The following TMEM181 variants were observed in gnomAD, a reference collection of about 807,000 sequenced individuals.
TMEM181 encodes G protein-coupled receptor 178.
Under a neutral mutation model 71.9 loss-of-function variants are expected in TMEM181, and 39 were observed. The observed-to-expected ratio is 0.54, with a 90% CI of 0.42 to 0.71. The LOEUF (loss-of-function observed/expected upper bound fraction) is 0.71. Ranked by LOEUF, TMEM181 falls within the 30% of genes least tolerant of loss-of-function variation. TMEM181 has a pLI of 0.00. For synonymous variants in TMEM181, 245 were observed against 228.8 expected (o/e 1.07, Z -0.64); for missense variants, 595 against 583.0 (o/e 1.02, Z -0.21).
chr6:158,601,029 A>C (rs1784640973), intron 6 of TMEM181, among the ~76,000 whole-genome samples: 1 of 152,116 alleles, frequency 6.6e-6, no homozygotes, highest in Non-Finnish European at 1.5e-5. Flanking sequence ...AGACGTAGTA[A>C]ACGTTTTTAA....
At chr6:158,610,837 T>C in intron 10 of TMEM181, 1 of 330,848 alleles carries the variant, frequency 3.0e-6, no homozygotes, top group South Asian at 3.4e-5. Flanking sequence ...CTAGCTGACA[T>C]ACTCACACCA....
intron 14 of TMEM181, among the ~76,000 whole-genome samples, chr6:158,629,044 AT>A (rs1264581351): frequency 2.6e-5 from 4 of 152,138 alleles, no homozygotes; most frequent in Non-Finnish European, 5.9e-5. Context: ...ACCCCCTTCG[AT>A]TCCCGCTGTG....
At chr6:158,551,909 C>T (rs558588177) in intron 1 of TMEM181, among the ~76,000 whole-genome samples, 4 of 152,256 alleles carry the variant, frequency 2.6e-5, no homozygotes, top group Admixed American at 2.0e-4. Flanking sequence ...TTTTTATGCT[C>T]TCCAGGGGCC....
Position 158,632,277 on chromosome 6 carries a change from A to C in TMEM181, c.*389A>C. The C allele has an allele frequency of 4.7e-6, 1 of 211,536 alleles. No homozygotes were observed. The highest frequency in any genetic ancestry group is 6.5e-5 in the South Asian group (1 of 15,284). The allele number at this position is 211,536 out of a possible 1,614,324, so 13.1% of individuals were successfully genotyped here. Reference sequence around the variant, plus strand: ...ACTAGGTCCTCAGCGTGACAGCATCACCCTCTTTCTTCCCTTTTCCATGGT... The same window carrying C: ...ACTAGGTCCTCAGCGTGACAGCATCCCCCTCTTTCTTCCCTTTTCCATGGT... On this transcript the variant is annotated 3_prime_UTR_variant, in exon 17 of 17. Coordinates refer to ENST00000684151, the MANE Select transcript of TMEM181 (RefSeq NM_001376852.1).
chr6:158,616,610 T>C (rs1785628097), intron 10 of TMEM181, among the ~76,000 whole-genome samples: 1 of 152,240 alleles, frequency 6.6e-6, no homozygotes, highest in Non-Finnish European at 1.5e-5. Context: ...AGTATGATAT[T>C]GGCTGTGGGT....
At chr6:158,541,106 T>C (rs1483400211) in intron 1 of TMEM181, among the ~76,000 whole-genome samples, 2 of 151,918 alleles carry the variant, frequency 1.3e-5, no homozygotes, top group African/African-American at 2.4e-5. Context: ...TGGAGAGCCA[T>C]GAGGGGTGAG....
chr6:158,630,324 C>G (rs544326595), intron 15 of TMEM181, among the ~76,000 whole-genome samples: 127 of 152,048 alleles, frequency 8.4e-4, no homozygotes, highest in African/African-American at 2.9e-3. Context: ...AATAGGGACC[C>G]CATCTCTCCA....
At chr6:158,628,204 G>C in intron 13 of TMEM181, 1 of 697,974 alleles carries the variant, frequency 1.4e-6, no homozygotes, top group South Asian at 1.5e-5. Flanking sequence ...ACCTAGATCC[G>C]AGACCAAAAA....
chr6:158,610,822 G>A (rs541850976), intron 10 of TMEM181: 29 of 319,216 alleles, frequency 9.1e-5, no homozygotes, highest in Admixed American at 3.8e-4. Flanking sequence ...GGGGCTGCTG[G>A]TGCACTAGCT....
At chr6:158,584,753 CCT>C (rs1189917026) in intron 4 of TMEM181, among the ~76,000 whole-genome samples, 2 of 152,126 alleles carry the variant, frequency 1.3e-5, no homozygotes, top group Non-Finnish European at 2.9e-5. Context: ...AAAATTATCC[CCT>C]CTTTGTAACA....
At chr6:158,608,291 C>G in intron 8 of TMEM181, 42 bp from the exon 9 acceptor site, 1 of 1,612,002 alleles carries the variant, frequency 6.2e-7, no homozygotes. Context: ...CAGGTGCTGG[C>G]GGGCCTGTTT....
intron 10 of TMEM181, among the ~76,000 whole-genome samples, chr6:158,621,118 C>G (rs990259353): frequency 6.6e-6 from 1 of 152,184 alleles, no homozygotes; most frequent in Non-Finnish European, 1.5e-5. Flanking sequence ...GCTTTCCTAT[C>G]TTGGTGCACC....
chr6:158,536,731 C>T, exon 1 of TMEM181: 4 of 1,571,152 alleles, frequency 2.5e-6, no homozygotes, highest in Non-Finnish European at 2.6e-6. Context: ...GGAGGCTGCG[C>T]GGCATGGACG....
At chr6:158,605,131 A>ATGTGT in intron 6 of TMEM181, 136 bp from the exon 7 acceptor site, 1 of 159,682 alleles carries the variant, frequency 6.3e-6, no homozygotes, top group Non-Finnish European at 1.2e-5. Context: ...AAAAAAAAAA[A>ATGTGT]GTGTGTGTGT....
At chr6:158,537,283 G>A (rs1164936486) in intron 1 of TMEM181, among the ~76,000 whole-genome samples, 1 of 152,100 alleles carries the variant, frequency 6.6e-6, no homozygotes, top group Non-Finnish European at 1.5e-5. Flanking sequence ...GACCGCGCGC[G>A]CTGCGGCGTC....
At chr6:158,563,190 C>G (rs1782283392) in intron 1 of TMEM181, among the ~76,000 whole-genome samples, 1 of 152,226 alleles carries the variant, frequency 6.6e-6, no homozygotes, top group Non-Finnish European at 1.5e-5. Context: ...GTCACCCAGG[C>G]TGGAGAGCAG....
chr6:158,589,513 T>C, intron 5 of TMEM181, 159 bp from the exon 6 acceptor site: 1 of 604,198 alleles, frequency 1.7e-6, no homozygotes, highest in South Asian at 2.0e-5. Context: ...TTCTAGGAAC[T>C]GTGTTTGGCT....
At chr6:158,564,750 C>T (rs1782390059) in intron 1 of TMEM181, among the ~76,000 whole-genome samples, 1 of 152,126 alleles carries the variant, frequency 6.6e-6, no homozygotes, top group Admixed American at 6.6e-5. Flanking sequence ...TGCCTGCTGT[C>T]ATGTGGTCAG....
chr6:158,596,261 A>C (rs1311150301), intron 6 of TMEM181, among the ~76,000 whole-genome samples: 3 of 152,254 alleles, frequency 2.0e-5, no homozygotes, highest in Middle Eastern at 3.4e-3. Context: ...TTCAGTAGGA[A>C]CTTAACGGTA....
Sources: allele counts gnomAD v4.1 joint callset (sites outside exome capture counted in the v4.1 genomes callset), GRCh38; gene constraint gnomAD v4.1.1; transcripts MANE v1.5; gene names NCBI Gene and HGNC (gene_info 2026-07-23, HGNC 2026-07-21).